KIF5A: variants seen among roughly 807,000 people sequenced by gnomAD.
The protein encoded by KIF5A is kinesin family member 5A, also known as kinesin heavy chain isoform 5A.
In KIF5A, 35 loss-of-function variants were observed where a neutral mutation model predicts 141.3. That is an observed-to-expected ratio of 0.25 (90% CI 0.19 to 0.33). KIF5A has a LOEUF of 0.33. Among genes scored for constraint, KIF5A ranks in the 10% least tolerant of loss-of-function variants. The pLI is 1.00. For synonymous variants in KIF5A, 448 were observed against 500.2 expected (o/e 0.90, Z 1.39); for missense variants, 861 against 1,314.3 (o/e 0.66, Z 5.33).
intron 8 of KIF5A, among the ~76,000 whole-genome samples, chr12:57,568,205 T>C (rs1882128650): frequency 6.6e-6 from 1 of 152,130 alleles, no homozygotes; most frequent in South Asian, 2.1e-4. Context: ...TAAAAAATGA[T>C]TTGCATTGGG....
At position 57,576,855 on chromosome 12, in the gene KIF5A, G is replaced by A. The variant is rs1160784315; in HGVS notation, c.2293G>A (p.Glu765Lys). ...ACACGAGAAGAGCACCAAGCTGCAG[G>A]AGCTGACGTGAGTGGCATGGATTTA... ...EEHEKSTKLQ[E>K]LTFLYERHEQ... The change falls in exon 20 of 29, where the codon GAG (glutamate) becomes AAG (lysine). Residue 765 changes from glutamate (E) to lysine (K), a missense_variant. Glu to Lys is a moderately conservative substitution (Grantham distance 56, BLOSUM62 1). Coordinates refer to ENST00000455537, the MANE Select transcript of KIF5A (RefSeq NM_004984.4). 1 of 1,612,372 alleles carries A rather than the reference G, an allele frequency of 6.2e-7. No homozygotes were observed. Among genetic ancestry groups the A allele is most frequent in the Admixed American group, 1.7e-5 (1 of 59,994 alleles).
rs769329345 is a variant in KIF5A at position 57,578,230 on chromosome 12, G to A, written c.2434-8G>A. ...GACAGCCACGTCTTTCCTTCTATCT[G>A]TTCTCAGAGTGCAGAAATGGAGCCC... On this transcript the variant is annotated splice_polypyrimidine_tract_variant and splice_region_variant and intron_variant, in intron 22 of 28. Coordinates refer to ENST00000455537, the MANE Select transcript of KIF5A (RefSeq NM_004984.4). The A allele has an allele frequency of 1.2e-6, 2 of 1,612,152 alleles. No individual in the cohort carries two copies. The highest frequency in any genetic ancestry group is 1.7e-5 in the Admixed American group (1 of 60,022).
At chr12:57,580,652 C>G (rs1882566599) in intron 23 of KIF5A, among the ~76,000 whole-genome samples, 1 of 152,186 alleles carries the variant, frequency 6.6e-6, no homozygotes, top group South Asian at 2.1e-4. Context: ...GGAGACAGGA[C>G]AAGGCGCTCT....
At chr12:57,573,601 G>T (rs1411528100) in intron 15 of KIF5A, among the ~76,000 whole-genome samples, 2 of 151,696 alleles carry the variant, frequency 1.3e-5, no homozygotes, top group African/African-American at 4.8e-5. Context: ...AGGACGAGGC[G>T]GGTGGATCAC....
chr12:57,571,183 G>A (rs1202556289), intron 12 of KIF5A, 138 bp from the exon 13 acceptor site: 8 of 694,404 alleles, frequency 1.2e-5, no homozygotes, highest in Non-Finnish European at 2.1e-5. Context: ...CGATCTTCCT[G>A]TAGGATATGG....
At position 57,575,652 on chromosome 12, in the gene KIF5A, A is replaced by G; in HGVS notation, c.1918A>G (p.Ile640Val). The change falls in exon 17 of 29, where the codon ATC becomes GTC. Residue 640 changes from isoleucine to valine, a missense_variant. Around this residue, in one of 5 missense-constraint regions of KIF5A, gnomAD observed 482 missense variants for 661.3 expected, o/e 0.73. Transcript: ENST00000455537. Reference sequence around the variant, plus strand: ...TTTCTCCCACCAGCATGAGGCCAAGATCCGCTCGCTTACGGAATACATGCA... The same window carrying G: ...TTTCTCCCACCAGCATGAGGCCAAGGTCCGCTCGCTTACGGAATACATGCA... ...QLLISQHEAK[I>V]RSLTEYMQSV... The G allele has an allele frequency of 1.9e-6, 3 of 1,614,096 alleles. No individual in the cohort carries two copies. Among genetic ancestry groups the G allele is most frequent in the Non-Finnish European group, 2.5e-6 (3 of 1,179,992 alleles).
chr12:57,571,759 A>G (rs889942704), intron 13 of KIF5A, among the ~76,000 whole-genome samples: 2 of 151,898 alleles, frequency 1.3e-5, no homozygotes, highest in African/African-American at 4.8e-5. Flanking sequence ...GAGTTTTGCC[A>G]TGTTACCCAG....
chr12:57,572,611 A>T lies in KIF5A; in HGVS notation c.1601A>T (p.Gln534Leu). The change falls in exon 15 of 29, where the codon CAG (glutamine) becomes CTG (leucine). Residue 534 changes from glutamine to leucine, a missense_variant. By Grantham distance (113) the Gln-to-Leu change is moderately radical (BLOSUM62 -2). Transcript: ENST00000455537. This position sits in a 1 kb window ranked among gnomAD's most constrained non-coding sequence, Gnocchi z 4.2. ...ATMLSLESEL[Q>L]RLQEVSGHQR... ...ATGCTGTCCCTGGAGTCTGAGTTGCAGCGGCTACAGGAGGTCAGTGGACAC... is the reference window on the plus strand; with the variant it reads ...ATGCTGTCCCTGGAGTCTGAGTTGCTGCGGCTACAGGAGGTCAGTGGACAC... The T allele has an allele frequency of 2.5e-6, 4 of 1,614,256 alleles. No homozygotes were observed. Among genetic ancestry groups the T allele is most frequent in the Non-Finnish European group, 3.4e-6 (4 of 1,180,042 alleles).
At chr12:57,568,841 CTG>C in intron 8 of KIF5A, 120 bp from the exon 9 acceptor site, 1 of 722,678 alleles carries the variant, frequency 1.4e-6, no homozygotes, top group Non-Finnish European at 2.5e-6. Flanking sequence ...CCAAGCATCT[CTG>C]TTACTCCATC....
At position 57,550,730 on chromosome 12, in the gene KIF5A, C is replaced by T. The variant is rs1881546102; in HGVS notation, c.129+330C>T. ...TTTCCCCTTCTCCACCACCCGCTCC[C>T]CAAGAGAAAGCGCATCTTCCCTTTG... On this transcript the variant is annotated intron_variant, in intron 1 of 28. Transcript: ENST00000455537. The surrounding 1 kb of genome is among the most constrained non-coding windows in gnomAD (Gnocchi z 4.6). Among the ~76,000 whole-genome samples the T allele has an allele frequency of 6.6e-6, 1 of 152,192 alleles. No individual in the cohort carries two copies. Among genetic ancestry groups the T allele is most frequent in the Non-Finnish European group, 1.5e-5 (1 of 68,042 alleles).
intron 19 of KIF5A, 81 bp from the exon 20 acceptor site, chr12:57,576,677 GGAA>G (rs1882436026): frequency 8.8e-6 from 9 of 1,017,774 alleles, no homozygotes; most frequent in Middle Eastern, 4.1e-4. Context: ...CGTTCAAAAA[GGAA>G]GAAGTTTGAA....
At position 57,575,103 on chromosome 12, in the gene KIF5A, C is replaced by G; in HGVS notation, c.1736C>G (p.Ala579Gly). ...CCTTAGCCAGTGGAGATCAGTGGGG[C>G]CATCGAGGAGGAGTTCACTGTGGCC... ...EIKLPVEISGAIEEEFTVARL... is the reference protein window; with the variant it reads ...EIKLPVEISGGIEEEFTVARL... Residue 579 changes from alanine to glycine, a missense_variant, in exon 16 of 29, where the codon GCC (alanine) becomes GGC (glycine). Ala to Gly is a moderately conservative substitution (Grantham distance 60). Coordinates refer to ENST00000455537, the MANE Select transcript of KIF5A (RefSeq NM_004984.4). 1 of 1,613,944 alleles carries G rather than the reference C, an allele frequency of 6.2e-7. No homozygotes were observed. Among genetic ancestry groups the G allele is most frequent in the East Asian group, 2.2e-5 (1 of 44,878 alleles).
At chr12:57,582,551 A>G (rs763551195) in intron 26 of KIF5A, 51 bp from the exon 27 acceptor site, 32 of 1,489,424 alleles carry the variant, frequency 2.1e-5, no homozygotes, top group African/African-American at 1.4e-4. Flanking sequence ...CTAACACCCA[A>G]TCTCCTTTTT....
At position 57,583,231 on chromosome 12, in the gene KIF5A, T is replaced by G; in HGVS notation, c.*36+16T>G. 2 of 1,498,078 alleles carry G rather than the reference T, an allele frequency of 1.3e-6. No homozygotes were observed. The highest frequency in any genetic ancestry group is 1.8e-6 in the Non-Finnish European group (2 of 1,083,056). The allele number at this position is 1,498,078 out of a possible 1,614,324, so 92.8% of individuals were successfully genotyped here. A position where few individuals can be genotyped will look rare whatever the true frequency, so the allele number is the denominator to read the frequency against. ...GCACTTTCAGGTAGCGTCAGGCTGC[T>G]TCCTCGGACCAGCCTCAGGTTGCTT... is the stretch of plus-strand genomic sequence containing the variant. On this transcript the variant is annotated intron_variant, in intron 28 of 28. Transcript: ENST00000455537.
In KIF5A at chr12:57,569,597, A is replaced by C; in HGVS notation, c.1031A>C (p.Lys344Thr). ...GAGTTGACTGCTGAGCAGTGGAAGA[A>C]GAAATATGAGAAGGAGAAGGAGAAG... ...NLELTAEQWKKKYEKEKEKTK... is the reference protein window; with the variant it reads ...NLELTAEQWKTKYEKEKEKTK... Residue 344 changes from lysine to threonine, a missense_variant, in exon 11 of 29, where the codon AAG (lysine) becomes ACG (threonine). Lys to Thr is a moderately conservative substitution (Grantham distance 78). Transcript: ENST00000455537. 1 of 1,614,172 alleles carries C rather than the reference A, an allele frequency of 6.2e-7. No homozygotes were observed. Among genetic ancestry groups the C allele is most frequent in the South Asian group, 1.1e-5 (1 of 91,084 alleles).
rs1881547629 is a variant in KIF5A, at chr12:57,550,779, C to T, written c.129+379C>T. Among the ~76,000 whole-genome samples, 1 of 152,242 alleles carries T rather than the reference C, an allele frequency of 6.6e-6. No homozygotes were observed. Among genetic ancestry groups the T allele is most frequent in the Non-Finnish European group, 1.5e-5 (1 of 68,042 alleles). On this transcript the variant is annotated intron_variant, in intron 1 of 28. Coordinates refer to ENST00000455537, the MANE Select transcript of KIF5A (RefSeq NM_004984.4). The surrounding 1 kb of genome is among the most constrained non-coding windows in gnomAD (Gnocchi z 4.6). ...TGTTATTGGCTCAGATCTCTACCCC[C>T]ACCTCCCGGAAGGTAAGGCGGAAGA...
At position 57,576,408 on chromosome 12, in the gene KIF5A, C is replaced by T. The variant is rs543154286; in HGVS notation, c.2198+30C>T. 32 of 1,540,520 alleles carry T rather than the reference C, an allele frequency of 2.1e-5. No homozygotes were observed. The South Asian group carries it at 2.8e-4, about 14-fold the overall frequency. ...GGGTTCCCAAGGGCGACTCCAGCCCCTCCCGGGTCCTGTCACCTTGCTGTA... is the reference window on the plus strand; with the variant it reads ...GGGTTCCCAAGGGCGACTCCAGCCCTTCCCGGGTCCTGTCACCTTGCTGTA... On this transcript the variant is annotated intron_variant, in intron 19 of 28. Coordinates refer to ENST00000455537, the MANE Select transcript of KIF5A (RefSeq NM_004984.4).
chr12:57,581,747 C>A, intron 25 of KIF5A, 123 bp from the exon 26 acceptor site: 2 of 1,225,152 alleles, frequency 1.6e-6, no homozygotes, highest in Non-Finnish European at 2.4e-6. Context: ...GTTTGTTTTC[C>A]TCTGCTCTCT....
rs1882186393 is a variant in KIF5A at position 57,569,703 on chromosome 12, G to A, written c.1117+20G>A. 1 of 1,612,182 alleles carries A rather than the reference G, an allele frequency of 6.2e-7. No homozygotes were observed. The highest frequency in any genetic ancestry group is 2.2e-5 in the East Asian group (1 of 44,874). On this transcript the variant is annotated intron_variant, in intron 11 of 28. Coordinates refer to ENST00000455537, the MANE Select transcript of KIF5A (RefSeq NM_004984.4). The stretch of plus-strand genomic sequence containing the variant: ...GCAATGGTTAGAGAGGGATAGGTGG[G>A]AGTGAGGGGCAGTGGGAAGAGGAGG...
Sources: allele counts gnomAD v4.1 joint callset (sites outside exome capture counted in the v4.1 genomes callset), GRCh38; gene constraint gnomAD v4.1.1; regional missense constraint gnomAD v4.1.1; non-coding constraint Gnocchi (gnomAD v3.1); transcripts MANE v1.5; gene names NCBI Gene and HGNC (gene_info 2026-07-23, HGNC 2026-07-21).